Variants in MZF1 observed in about 807,000 individuals in gnomAD.
MZF1 encodes the protein myeloid zinc finger 1.
A neutral mutation model predicts 28.6 loss-of-function variants in MZF1; 24 were observed. That is an observed-to-expected ratio of 0.84 (90% CI 0.61 to 1.18). The LOEUF (loss-of-function observed/expected upper bound fraction) is 1.18. Among genes scored for constraint, MZF1 ranks in the 50% most tolerant of loss-of-function variants. MZF1 has a pLI of 0.00. For synonymous variants in MZF1, 516 were observed against 432.5 expected (o/e 1.19, Z -2.40); for missense variants, 1,166 against 1,026.4 (o/e 1.14, Z -1.86).
chr19:58,565,478 C>A (rs1283737003), intron 5 of MZF1, among the ~76,000 whole-genome samples: 2 of 151,874 alleles, frequency 1.3e-5, no homozygotes, highest in African/African-American at 4.8e-5. Context: ...GATCCACCCG[C>A]CTCGCCTTCC....
intron 1 of MZF1, chr19:58,572,560 G>A: frequency 2.3e-6 from 3 of 1,289,584 alleles, no homozygotes; most frequent in Non-Finnish European, 3.0e-6. Context: ...CTCCCTCCTC[G>A]CGCTGTTCCT....
At chr19:58,566,614 C>T (rs2054062686) in intron 5 of MZF1, among the ~76,000 whole-genome samples, 1 of 152,096 alleles carries the variant, frequency 6.6e-6, no homozygotes, top group Non-Finnish European at 1.5e-5. Flanking sequence ...CTGTCTTGTG[C>T]CTTTTGAATT....
At position 58,563,379 on chromosome 19, in the gene MZF1, C is replaced by A; in HGVS notation, c.898G>T (p.Gly300Cys). The A allele has an allele frequency of 6.2e-7, 1 of 1,604,948 alleles. No individual in the cohort carries two copies. The highest frequency in any genetic ancestry group is 8.5e-7 in the Non-Finnish European group (1 of 1,175,814). ...GQIQSPSREG[G>C]FAHALLLPSD... ...GGGAGCAGAAGCGCATGCGCAAAGC[C>A]ACCTTCGCGGGAGGGTGATTGGATC... Residue 300 changes from glycine to cysteine, a missense_variant, in exon 6 of 6, where the codon GGC (glycine) becomes TGC (cysteine). By Grantham distance (159) the Gly-to-Cys change is radical. Transcript: ENST00000215057.
chr19:58,570,384 G>A lies in MZF1; in HGVS notation c.540C>T (p.Gly180=). Residue 180 remains glycine (G), a synonymous_variant, in exon 3 of 6, where the codon GGC becomes GGT. Coordinates refer to ENST00000215057, the MANE Select transcript of MZF1 (RefSeq NM_198055.2). ...PPRTMQESPL[G]LQVKEESEVT... is the part of the protein sequence containing the mutation. ...CCTCTGACTCCTCTTTCACCTGCAG[G>A]CCCAGTGGTGATTCCTGCATAGTCC... is the stretch of plus-strand genomic sequence containing the variant. 1 of 1,613,418 alleles carries A rather than the reference G, an allele frequency of 6.2e-7. No individual in the cohort carries two copies. Among genetic ancestry groups the A allele is most frequent in the Non-Finnish European group, 8.5e-7 (1 of 1,179,558 alleles).
chr19:58,566,738 C>T (rs892145918), intron 5 of MZF1, among the ~76,000 whole-genome samples: 22 of 152,248 alleles, frequency 1.4e-4, no homozygotes, highest in African/African-American at 5.1e-4. Context: ...ACTTGGAAAG[C>T]TGAAGCAGGA....
At position 58,564,898 on chromosome 19, in the gene MZF1, GTGTGTTTTTT is replaced by G. The variant is rs1179457129; in HGVS notation, c.773-1404_773-1395del. 7.3e-4 allele frequency among the ~76,000 whole-genome samples: 67 copies of G among 91,942 alleles called. 4 individuals are homozygous for G. The highest frequency in any genetic ancestry group is 2.5e-3 in the African/African-American group (48 of 18,942). 60.3% of individuals were successfully genotyped at this position (91,942 alleles called of 152,430 possible). A position where few individuals can be genotyped will look rare whatever the true frequency, so the allele number is the denominator to read the frequency against. On this transcript the variant is annotated intron_variant, in intron 5 of 5. Transcript: ENST00000215057. Reference sequence around the variant, plus strand: ...CAGGGTGGAGAATAAGCATCCATGTGTGTGTTTTTTTTTTTTTTTTTTTTTTTTTTTTTTT... The same window carrying G: ...CAGGGTGGAGAATAAGCATCCATGTGTTTTTTTTTTTTTTTTTTTTTTTTT...
At chr19:58,564,895 T>TGA (rs2054009048) in intron 5 of MZF1, among the ~76,000 whole-genome samples, 1 of 114,094 alleles carries the variant, frequency 8.8e-6, no homozygotes, top group African/African-American at 4.4e-5. Flanking sequence ...TAAGCATCCA[T>TGA]GTGTGTGTTT....
In MZF1 at chr19:58,562,526, A is replaced by G; in HGVS notation, c.1751T>C (p.Leu584Pro). 1 of 1,608,660 alleles carries G rather than the reference A, an allele frequency of 6.2e-7. No homozygotes were observed. The highest frequency in any genetic ancestry group is 8.5e-7 in the Non-Finnish European group (1 of 1,178,646). Residue 584 changes from leucine (L) to proline (P), a missense_variant, in exon 6 of 6, where the codon CTC becomes CCC. Transcript: ENST00000215057. ...CGTGTGTACGCGGAGATGCTGCGTG[A>G]GCGTAGGCCGCTGGCGGAAGGCCTT... is the stretch of plus-strand genomic sequence containing the variant. ...CGKAFRQRPT[L>P]TQHLRVHTGE...
intron 5 of MZF1, 170 bp downstream of exon 5, chr19:58,569,107 G>T: frequency 1.2e-6 from 1 of 865,356 alleles, no homozygotes; most frequent in Non-Finnish European, 1.7e-6. Flanking sequence ...CTTTTTTTGA[G>T]GGCAGAAGAT....
At chr19:58,571,736 C>T (rs757212632) in intron 1 of MZF1, 36 of 260,072 alleles carry the variant, frequency 1.4e-4, no homozygotes, top group Admixed American at 1.3e-3. Flanking sequence ...GGCTGAAGTG[C>T]AGTGGCGAGA....
At chr19:58,565,682 G>A (rs1477307266) in intron 5 of MZF1, among the ~76,000 whole-genome samples, 4 of 151,226 alleles carry the variant, frequency 2.6e-5, no homozygotes, top group African/African-American at 4.9e-5. Context: ...ACAGGCGCCC[G>A]CCACCACGCC....
intron 5 of MZF1, among the ~76,000 whole-genome samples, chr19:58,564,918 T>TTTG (rs1568680452): frequency 1.6e-5 from 2 of 121,838 alleles, no homozygotes; most frequent in Non-Finnish European, 3.3e-5. Flanking sequence ...TTTTTTTTTT[T>TTTG]TTTTTTTTTT....
chr19:58,570,314 C>T (rs373348019), intron 3 of MZF1, 30 bp downstream of exon 3: 19 of 1,575,724 alleles, frequency 1.2e-5, no homozygotes, highest in Non-Finnish European at 1.6e-5. Flanking sequence ...CCAACCAGAC[C>T]TTAGGCGCGC....
intron 3 of MZF1, chr19:58,570,134 T>C: frequency 1.8e-6 from 1 of 541,714 alleles, no homozygotes; most frequent in Non-Finnish European, 3.2e-6. Flanking sequence ...TACAGGGCTG[T>C]GGCAGTCAGG....
Position 58,562,237 on chromosome 19 carries a change from G to A in MZF1, c.2040C>T (p.Pro680=), listed in dbSNP as rs1355204407. The change falls in exon 6 of 6, where the codon CCC becomes CCT. Residue 680 remains proline (P), a synonymous_variant. Coordinates refer to ENST00000215057, the MANE Select transcript of MZF1 (RefSeq NM_198055.2). ...QHRRIHTGER[P]YACPECGKAF... ...CCTTGCCACACTCAGGGCATGCGTA[G>A]GGCCGTTCACCCGTGTGGATGCGCC... The A allele has an allele frequency of 2.5e-6, 4 of 1,605,300 alleles. No homozygotes were observed. Among genetic ancestry groups the A allele is most frequent in the Non-Finnish European group, 3.4e-6 (4 of 1,177,194 alleles).
chr19:58,570,913 G>C (rs1296644787), intron 2 of MZF1, 81 bp downstream of exon 2: 1 of 1,445,106 alleles, frequency 6.9e-7, no homozygotes, highest in African/African-American at 1.4e-5. Context: ...ACGTGTGTCT[G>C]GCAAAGCGTG....
In MZF1 at chr19:58,563,426, C is replaced by G; in HGVS notation, c.851G>C (p.Gly284Ala). 6.3e-7 allele frequency: 1 copy of G among 1,591,642 alleles called. No individual in the cohort carries two copies. The highest frequency in any genetic ancestry group is 1.1e-5 in the South Asian group (1 of 87,984). ...SPHLHVPWDLGMAGLSGQIQS... is the reference protein window; with the variant it reads ...SPHLHVPWDLAMAGLSGQIQS... ...GATCTGGCCAGAAAGGCCAGCCATG[C>G]CGAGGTCCCAGGGGACGTGGAGGTG... The change falls in exon 6 of 6, where the codon GGC becomes GCC. Residue 284 changes from glycine (G) to alanine (A), a missense_variant. Transcript: ENST00000215057.
At chr19:58,568,981 G>A (rs2054106682) in intron 5 of MZF1, 1 of 293,688 alleles carries the variant, frequency 3.4e-6, no homozygotes, top group African/African-American at 2.2e-5. Flanking sequence ...CAGGATACCA[G>A]GACTGGGAGA....
chr19:58,563,223 C>A lies in MZF1; in HGVS notation c.1054G>T (p.Val352Leu), dbSNP rs1320718763. The A allele has an allele frequency of 6.2e-7, 1 of 1,610,574 alleles. No individual in the cohort carries two copies. The highest frequency in any genetic ancestry group is 1.1e-5 in the South Asian group (1 of 90,818). ...SRGRPSTGGG[V>L]VRGGRCDVCG... Reference sequence around the variant, plus strand: ...ACATCGCAACGGCCGCCCCTAACCACCCCGCCCCCAGTGCTGGGGCGGCCC... The same window carrying A: ...ACATCGCAACGGCCGCCCCTAACCAACCCGCCCCCAGTGCTGGGGCGGCCC... The change falls in exon 6 of 6, where the codon GTG (valine) becomes TTG (leucine). Residue 352 changes from valine (V) to leucine (L), a missense_variant. Coordinates refer to ENST00000215057, the MANE Select transcript of MZF1 (RefSeq NM_198055.2).
Sources: gnomAD v4.1 joint callset for allele counts (sites outside exome capture counted in the v4.1 genomes callset) on GRCh38, gnomAD v4.1.1 for gene constraint, MANE v1.5 for transcripts, NCBI Gene and HGNC (gene_info 2026-07-23, HGNC 2026-07-21) for gene names.